CNTN5: variants seen among roughly 807,000 people sequenced by gnomAD.
The protein encoded by CNTN5 is contactin 5, also known as contactin-5.
CNTN5 carries 77 observed loss-of-function variants against 129.1 expected under a neutral mutation model. The ratio of observed to expected loss-of-function variants is 0.60; its 90% CI spans 0.50 to 0.72. CNTN5 has a LOEUF of 0.72. Among genes scored for constraint, CNTN5 ranks in the 30% least tolerant of loss-of-function variants. The pLI is 0.00. For synonymous variants in CNTN5, 509 were observed against 465.6 expected, an observed-to-expected ratio of 1.09 and a Z score of -1.20; for missense variants, 1,478 against 1,328.8, an observed-to-expected ratio of 1.11 and a Z score of -1.75.
intron 3 of CNTN5, among the ~76,000 whole-genome samples, chr11:99,658,056 AT>A (rs1439659481): frequency 2.6e-5 from 4 of 152,074 alleles, no homozygotes; most frequent in African/African-American, 9.7e-5. Flanking sequence ...TTTAAGTTGT[AT>A]CAAACACCTT....
At chr11:99,879,803 A>C (rs1241411429) in intron 6 of CNTN5, among the ~76,000 whole-genome samples, 1 of 152,188 alleles carries the variant, frequency 6.6e-6, no homozygotes, top group African/African-American at 2.4e-5. Context: ...AGATTAAGAA[A>C]CTGGCCTAAG....
chr11:99,942,265 C>T (rs934498383), intron 7 of CNTN5, among the ~76,000 whole-genome samples: 5 of 151,962 alleles, frequency 3.3e-5, no homozygotes, highest in African/African-American at 1.2e-4. Context: ...GATGATGCAT[C>T]CAGAGAACTA....
intron 13 of CNTN5, among the ~76,000 whole-genome samples, chr11:100,183,731 A>G (rs1948210747): frequency 6.6e-6 from 1 of 152,088 alleles, no homozygotes; most frequent in Non-Finnish European, 1.5e-5. Flanking sequence ...ATACAGGAAA[A>G]CTTTTCAAAG....
chr11:99,108,391 G>A (rs1021680906), intron 1 of CNTN5, among the ~76,000 whole-genome samples: 14 of 152,120 alleles, frequency 9.2e-5, no homozygotes, highest in African/African-American at 2.7e-4. Context: ...CCATAGGAAC[G>A]TTGACAATAG....
At chr11:99,182,045 C>A (rs1858104158) in intron 1 of CNTN5, among the ~76,000 whole-genome samples, 1 of 152,168 alleles carries the variant, frequency 6.6e-6, no homozygotes, top group Non-Finnish European at 1.5e-5. Flanking sequence ...TTGTAATCCA[C>A]TCATCCACAT....
chr11:99,270,001 C>A (rs1023425880), intron 1 of CNTN5, among the ~76,000 whole-genome samples: 2 of 151,780 alleles, frequency 1.3e-5, no homozygotes, highest in African/African-American at 4.8e-5. Context: ...TATGGACTAG[C>A]CTTACATAAA....
At chr11:99,930,716 A>T (rs1950170671) in intron 7 of CNTN5, among the ~76,000 whole-genome samples, 1 of 152,256 alleles carries the variant, frequency 6.6e-6, no homozygotes, top group African/African-American at 2.4e-5. Context: ...TGACTTAACT[A>T]AATTGTTGTC....
chr11:99,916,974 T>A, intron 7 of CNTN5, among the ~76,000 whole-genome samples: 1 of 152,222 alleles, frequency 6.6e-6, no homozygotes, highest in East Asian at 1.9e-4. Context: ...ATTAGAGTGA[T>A]GGCCATATTT....
intron 3 of CNTN5, among the ~76,000 whole-genome samples, chr11:99,600,316 A>G (rs1449724199): frequency 6.6e-6 from 1 of 152,192 alleles, no homozygotes; most frequent in African/African-American, 2.4e-5. Context: ...GCAATATAAG[A>G]CCAGCGTAGA....
chr11:99,152,990 A>G (rs1178015620), intron 1 of CNTN5, among the ~76,000 whole-genome samples: 1 of 152,138 alleles, frequency 6.6e-6, no homozygotes, highest in Non-Finnish European at 1.5e-5. Flanking sequence ...TCTGGCTAGT[A>G]GTGTTTCTGC....
intron 13 of CNTN5, among the ~76,000 whole-genome samples, chr11:100,113,331 C>T (rs1014168104): frequency 8.4e-5 from 12 of 142,092 alleles, no homozygotes; most frequent in Admixed American, 4.5e-4. Flanking sequence ...CAGCTGGTAT[C>T]GCCATGTAAC....
At chr11:99,586,809 C>T (rs1427428275) in intron 3 of CNTN5, among the ~76,000 whole-genome samples, 2 of 152,114 alleles carry the variant, frequency 1.3e-5, no homozygotes, top group African/African-American at 4.8e-5. Context: ...GGCCACTCAT[C>T]TAATAAATCT....
At chr11:99,867,645 T>C (rs767739242) in intron 6 of CNTN5, among the ~76,000 whole-genome samples, 10 of 152,310 alleles carry the variant, frequency 6.6e-5, no homozygotes, top group Non-Finnish European at 1.3e-4. Context: ...CTGTCCTGAC[T>C]CTTCTGCCTC....
At chr11:99,550,881 G>A (rs1048280765) in intron 2 of CNTN5, among the ~76,000 whole-genome samples, 4 of 152,066 alleles carry the variant, frequency 2.6e-5, no homozygotes, top group Admixed American at 6.6e-5. Context: ...TTGTAATTAC[G>A]TAAGTTAAAT....
intron 21 of CNTN5, among the ~76,000 whole-genome samples, chr11:100,324,859 TTAAC>T (rs1470725770): frequency 5.3e-5 from 8 of 152,308 alleles, no homozygotes; most frequent in South Asian, 4.1e-4. Flanking sequence ...ATTCAAAAGT[TTAAC>T]TAAGCATCAT....
chr11:99,835,380 G>A (rs1350047800), intron 4 of CNTN5, among the ~76,000 whole-genome samples: 1 of 152,158 alleles, frequency 6.6e-6, no homozygotes, highest in African/African-American at 2.4e-5. Flanking sequence ...GGTTTGTGTG[G>A]TGTAAACTTC....
At chr11:99,220,064 T>C (rs1860323911) in intron 1 of CNTN5, among the ~76,000 whole-genome samples, 1 of 152,014 alleles carries the variant, frequency 6.6e-6, no homozygotes. Context: ...CACTCATTCC[T>C]GTCCTTTCCA....
In CNTN5 at chr11:99,778,168, C is replaced by T. The variant is rs971525081; in HGVS notation, c.56-41376C>T. ...TAAAACAATCTCTTTCATAAAACTACTGAAGTCAAAGGCAAAAACTTTGTG... is the reference window on the plus strand; with the variant it reads ...TAAAACAATCTCTTTCATAAAACTATTGAAGTCAAAGGCAAAAACTTTGTG... On this transcript the variant is annotated intron_variant, in intron 3 of 24. Transcript: ENST00000524871. Among the ~76,000 whole-genome samples, 5 of 151,862 alleles carry T rather than the reference C, an allele frequency of 3.3e-5. No homozygotes were observed. In the East Asian group the frequency reaches 9.8e-4, roughly 30 times the overall value.
chr11:99,463,982 C>T (rs1044624857), intron 2 of CNTN5, among the ~76,000 whole-genome samples: 3 of 152,158 alleles, frequency 2.0e-5, no homozygotes, highest in African/African-American at 7.2e-5. Flanking sequence ...AAACTATACC[C>T]TATACTGCAA....
Sources: allele counts gnomAD v4.1 joint callset (sites outside exome capture counted in the v4.1 genomes callset), GRCh38; gene constraint gnomAD v4.1.1; transcripts MANE v1.5; gene names NCBI Gene and HGNC (gene_info 2026-07-23, HGNC 2026-07-21).